TNR: variants seen among roughly 807,000 people sequenced by gnomAD.
TNR encodes the protein tenascin R.
Under a neutral mutation model 150.4 loss-of-function variants are expected in TNR, and 45 were observed. That is an observed-to-expected ratio of 0.30 (90% confidence interval 0.24 to 0.38). The LOEUF (loss-of-function observed/expected upper bound fraction) is 0.38. TNR is among the 10% of genes least tolerant of loss of function. The probability of loss-of-function intolerance (pLI) is 1.00; values close to 1 mark genes in which losing one functional copy is unlikely to be tolerated. For synonymous variants in TNR, 687 were observed against 678.4 expected (o/e 1.01, Z -0.20); for missense variants, 1,544 against 1,759.1 (o/e 0.88, Z 2.19).
intron 18 of TNR, among the ~76,000 whole-genome samples, chr1:175,340,197 C>G (rs765196698): frequency 6.6e-6 from 1 of 152,174 alleles, no homozygotes; most frequent in Non-Finnish European, 1.5e-5. Flanking sequence ...TCCTTCCAGG[C>G]CGGCAATGAG....
At chr1:175,487,491 T>C (rs1658064270) in intron 2 of TNR, among the ~76,000 whole-genome samples, 1 of 152,228 alleles carries the variant, frequency 6.6e-6, no homozygotes, top group Non-Finnish European at 1.5e-5. Context: ...GGAAACTGCT[T>C]TCTCCCTTTT....
At chr1:175,488,198 C>T (rs749771216) in intron 2 of TNR, among the ~76,000 whole-genome samples, 1 of 152,132 alleles carries the variant, frequency 6.6e-6, no homozygotes, top group Non-Finnish European at 1.5e-5. Flanking sequence ...ATCCATAAAC[C>T]CCGGAAACAT....
Position 175,365,136 on chromosome 1 carries a change from A to G in TNR, c.2461T>C (p.Ser821Pro), listed in dbSNP as rs763616312. The G allele has an allele frequency of 7.4e-6, 12 of 1,614,000 alleles. No individual in the cohort carries two copies. The highest frequency in any genetic ancestry group is 9.3e-6 in the Non-Finnish European group (11 of 1,180,008). Residue 821 changes from serine to proline, a missense_variant, in exon 12 of 23, where the codon TCC becomes CCC. This residue lies in a region of TNR where 1,254 missense variants were observed against 1,329.4 expected (regional missense o/e 0.94). Coordinates refer to ENST00000367674, the MANE Select transcript of TNR (RefSeq NM_003285.3). Reference protein sequence around the residue: ...RDEEEEMMEVSLDATKRHAVL... With the variant: ...RDEEEEMMEVPLDATKRHAVL... ...GCATGCCTCTTGGTGGCATCCAGGG[A>G]GACCTCCATCATCTCTTCCTCCTCA...
At chr1:175,346,023 G>A (rs1282741926) in intron 18 of TNR, among the ~76,000 whole-genome samples, 1 of 152,168 alleles carries the variant, frequency 6.6e-6, no homozygotes, top group East Asian at 1.9e-4. Context: ...TAATGGAATA[G>A]TATTTTTAAA....
chr1:175,651,382 A>G (rs1482117233), intron 1 of TNR, among the ~76,000 whole-genome samples: 1 of 152,090 alleles, frequency 6.6e-6, no homozygotes, highest in Non-Finnish European at 1.5e-5. Flanking sequence ...TGAGTGGCGG[A>G]TGGAAAGTGT....
chr1:175,735,925 A>G (rs1342611867), intron 1 of TNR, among the ~76,000 whole-genome samples: 1 of 152,204 alleles, frequency 6.6e-6, no homozygotes, highest in Non-Finnish European at 1.5e-5. Context: ...ATTTAAAAAT[A>G]TCAGATTGGC....
chr1:175,467,704 A>T (rs1332106686), intron 2 of TNR, among the ~76,000 whole-genome samples: 3 of 152,156 alleles, frequency 2.0e-5, no homozygotes, highest in African/African-American at 4.8e-5. Flanking sequence ...CAGGGCACAG[A>T]GGGCATGAGG....
At chr1:175,633,752 C>A (rs898617159) in intron 1 of TNR, among the ~76,000 whole-genome samples, 3 of 152,036 alleles carry the variant, frequency 2.0e-5, no homozygotes, top group African/African-American at 7.3e-5. Flanking sequence ...TGAGATAATG[C>A]TTGCTTATGC....
intron 1 of TNR, among the ~76,000 whole-genome samples, chr1:175,649,089 G>C (rs933223676): frequency 3.3e-5 from 5 of 152,210 alleles, no homozygotes; most frequent in Admixed American, 6.5e-5. Context: ...CCTGCTTGGA[G>C]CTGTCCATGG....
At chr1:175,519,943 C>T (rs1373463630) in intron 2 of TNR, among the ~76,000 whole-genome samples, 5 of 152,200 alleles carry the variant, frequency 3.3e-5, no homozygotes, top group Admixed American at 3.3e-4. Flanking sequence ...ACTCAAACTA[C>T]TTGGGTTCAA....
chr1:175,689,508 C>A (rs139770657), intron 1 of TNR, among the ~76,000 whole-genome samples: 210 of 152,262 alleles, frequency 1.4e-3, no homozygotes, highest in African/African-American at 4.7e-3. Flanking sequence ...CAGGCTATGG[C>A]TGGCCAGGCT....
intron 2 of TNR, among the ~76,000 whole-genome samples, chr1:175,460,606 A>T: frequency 6.6e-6 from 1 of 152,164 alleles, no homozygotes; most frequent in Admixed American, 6.6e-5. Context: ...GTATCCTCAT[A>T]AATGTGACCT....
chr1:175,718,835 C>A (rs561842545), intron 1 of TNR, among the ~76,000 whole-genome samples: 1 of 152,150 alleles, frequency 6.6e-6, no homozygotes, highest in African/African-American at 2.4e-5. Context: ...GCAAGTTTTC[C>A]GACTCCATCC....
At position 175,337,692 on chromosome 1, in the gene TNR, T is replaced by C. The variant is rs188059072; in HGVS notation, c.3383-13A>G. 36 of 1,613,702 alleles carry C rather than the reference T, an allele frequency of 2.2e-5. No individual in the cohort carries two copies. Among genetic ancestry groups the C allele is most frequent in the African/African-American group, 1.6e-4 (12 of 75,014 alleles). Reference sequence around the variant, plus strand: ...AACACCCGGCCTCCTGCAAGGAAAATAGACAATGTCCAGAAAGGATTCTTT... The same window carrying C: ...AACACCCGGCCTCCTGCAAGGAAAACAGACAATGTCCAGAAAGGATTCTTT... On this transcript the variant is annotated splice_polypyrimidine_tract_variant and intron_variant, in intron 18 of 22. Transcript: ENST00000367674.
chr1:175,557,275 C>T (rs560664538), intron 1 of TNR, among the ~76,000 whole-genome samples: 63 of 152,300 alleles, frequency 4.1e-4, no homozygotes, highest in African/African-American at 1.4e-3. Flanking sequence ...CAAAGCCATG[C>T]ACAGACTCCT....
chr1:175,604,621 T>C (rs1451685575), intron 1 of TNR, among the ~76,000 whole-genome samples: 1 of 152,172 alleles, frequency 6.6e-6, no homozygotes, highest in Admixed American at 6.5e-5. Flanking sequence ...TTTTTGAGAA[T>C]CTATCTTTAT....
At chr1:175,643,787 C>T (rs573754108) in intron 1 of TNR, among the ~76,000 whole-genome samples, 11 of 152,248 alleles carry the variant, frequency 7.2e-5, no homozygotes, top group East Asian at 1.9e-4. Context: ...AATACACAGG[C>T]GATATCACAG....
intron 1 of TNR, among the ~76,000 whole-genome samples, chr1:175,690,589 G>T (rs1487877825): frequency 6.6e-6 from 1 of 152,230 alleles, no homozygotes; most frequent in Non-Finnish European, 1.5e-5. Context: ...CAGTTGGGAG[G>T]ATGAGAGGTG....
chr1:175,588,728 T>G (rs1270364243), intron 1 of TNR, among the ~76,000 whole-genome samples: 1 of 152,218 alleles, frequency 6.6e-6, no homozygotes, highest in Non-Finnish European at 1.5e-5. Flanking sequence ...AAAATCATAC[T>G]GTTATAGATA....
Sources: allele counts gnomAD v4.1 joint callset (sites outside exome capture counted in the v4.1 genomes callset), GRCh38; gene constraint gnomAD v4.1.1; regional missense constraint gnomAD v4.1.1; transcripts MANE v1.5; gene names NCBI Gene and HGNC (gene_info 2026-07-23, HGNC 2026-07-21).